The following NEMF variants were observed in gnomAD, a reference collection of about 807,000 sequenced individuals.
NEMF encodes the protein nuclear export mediator factor.
Under a neutral mutation model 162.2 loss-of-function variants are expected in NEMF, and 89 were observed. That is an observed-to-expected ratio of 0.55 (90% CI 0.46 to 0.65). The LOEUF is 0.65. Among genes scored for constraint, NEMF ranks in the 30% least tolerant of loss-of-function variants. NEMF has a pLI of 0.00. For synonymous variants in NEMF, 421 were observed against 404.5 expected, an observed-to-expected ratio of 1.04 and a Z score of -0.49; for missense variants, 1,133 against 1,261.9, an observed-to-expected ratio of 0.90 and a Z score of 1.55.
chr14:49,831,960 G>C, intron 10 of NEMF, 91 bp downstream of exon 10: 2 of 781,340 alleles, frequency 2.6e-6, no homozygotes, highest in Non-Finnish European at 4.1e-6. Flanking sequence ...TGTAAAGCAA[G>C]TATAGTTTCA....
At chr14:49,811,687 A>G (rs1164587241) in intron 18 of NEMF, among the ~76,000 whole-genome samples, 3 of 152,154 alleles carry the variant, frequency 2.0e-5, no homozygotes, top group Non-Finnish European at 4.4e-5. Context: ...GTTTTTCTTC[A>G]TAAGTTGAGA....
intron 6 of NEMF, among the ~76,000 whole-genome samples, chr14:49,836,317 G>C (rs1892901539): frequency 6.6e-6 from 1 of 151,978 alleles, no homozygotes; most frequent in Non-Finnish European, 1.5e-5. Context: ...AATCCTATGA[G>C]GCTTTTTTCA....
intron 3 of NEMF, among the ~76,000 whole-genome samples, chr14:49,850,747 T>C (rs1395898405): frequency 6.7e-6 from 1 of 149,444 alleles, no homozygotes; most frequent in Non-Finnish European, 1.5e-5. Flanking sequence ...TACAGAGGAA[T>C]ACGACTCACA....
rs1309114103 is a variant in NEMF, at chr14:49,829,465, C to A, written c.946-39G>T. 2.0e-6 allele frequency: 3 copies of A among 1,511,898 alleles called. No individual in the cohort carries two copies. In the East Asian group the frequency reaches 6.9e-5, roughly 35 times the overall value. The allele number at this position is 1,511,898 out of a possible 1,614,324, so 93.7% of individuals were successfully genotyped here. A position where few individuals can be genotyped will look rare whatever the true frequency, so the allele number is the denominator to read the frequency against. ...AACAGATTTTTTAAAAATTAGATTT[C>A]TCCTACCTCATGACATCCCTCTCTT... On this transcript the variant is annotated intron_variant, in intron 11 of 32. Coordinates refer to ENST00000298310, the MANE Select transcript of NEMF (RefSeq NM_004713.6).
At chr14:49,837,099 C>T (rs1028145422) in intron 6 of NEMF, among the ~76,000 whole-genome samples, 4 of 151,976 alleles carry the variant, frequency 2.6e-5, no homozygotes, top group African/African-American at 9.7e-5. Flanking sequence ...ATGGTGAAAC[C>T]CCATCTCTAC....
intron 10 of NEMF, 104 bp from the exon 11 acceptor site, chr14:49,831,465 T>A: frequency 1.4e-6 from 1 of 727,768 alleles, no homozygotes; most frequent in Non-Finnish European, 2.3e-6. Flanking sequence ...TGAGACAGAG[T>A]CTCACTCTGT....
intron 7 of NEMF, 51 bp downstream of exon 7, chr14:49,834,312 T>C: frequency 7.6e-7 from 1 of 1,321,482 alleles, no homozygotes; most frequent in Non-Finnish European, 1.1e-6. Flanking sequence ...GAAAAAATTT[T>C]CATAGTTTAA....
chr14:49,840,683 C>T, intron 5 of NEMF, 35 bp downstream of exon 5: 3 of 1,586,436 alleles, frequency 1.9e-6, no homozygotes, highest in Non-Finnish European at 2.6e-6. Context: ...CATTTTAATA[C>T]AATACGAAAT....
At chr14:49,846,627 G>A (rs1800599197) in intron 3 of NEMF, among the ~76,000 whole-genome samples, 1 of 152,020 alleles carries the variant, frequency 6.6e-6, no homozygotes, top group African/African-American at 2.4e-5. Context: ...ACTATCCCCA[G>A]CTAATTTTTT....
chr14:49,847,320 C>A (rs1216239476), intron 3 of NEMF, among the ~76,000 whole-genome samples: 1 of 152,032 alleles, frequency 6.6e-6, no homozygotes, highest in African/African-American at 2.4e-5. Context: ...TCCTGCCTCA[C>A]CCTCCCAAGA....
chr14:49,789,949 A>G (rs925825678), intron 26 of NEMF, among the ~76,000 whole-genome samples: 3 of 152,196 alleles, frequency 2.0e-5, no homozygotes, highest in African/African-American at 4.8e-5. Context: ...TAAAGCAGCA[A>G]AGCTAGGCTA....
chr14:49,809,753 C>T (rs1891383033), intron 18 of NEMF, among the ~76,000 whole-genome samples: 1 of 151,862 alleles, frequency 6.6e-6, no homozygotes, highest in South Asian at 2.1e-4. Flanking sequence ...TCCAGCTACT[C>T]TGGAGGCTGA....
At chr14:49,796,204 C>T in intron 25 of NEMF, 1 of 536,126 alleles carries the variant, frequency 1.9e-6, no homozygotes, top group South Asian at 1.5e-5. Context: ...CTCATCCTTA[C>T]TCACTAGGCA....
intron 19 of NEMF, among the ~76,000 whole-genome samples, chr14:49,803,528 CTT>C (rs1221404012): frequency 1.7e-4 from 24 of 140,606 alleles, no homozygotes; most frequent in Admixed American, 2.9e-4. Flanking sequence ...AATTTTCTTT[CTT>C]TTTTTTTTTT....
In NEMF at chr14:49,814,015, T is replaced by C; in HGVS notation, c.1717A>G (p.Thr573Ala). The C allele has an allele frequency of 1.9e-6, 3 of 1,548,060 alleles. No homozygotes were observed. Among genetic ancestry groups the C allele is most frequent in the African/African-American group, 1.4e-5 (1 of 73,926 alleles). ...GTTGGATTCTTAATTACACAGCTAG[T>C]AGCTCCATGAAGATCAGCATGTACA... ...IYVHADLHGA[T>A]SCVIKNPTGE... Residue 573 changes from threonine (T) to alanine (A), a missense_variant, in exon 18 of 33, where the codon ACT becomes GCT. Physicochemically the swap from Thr to Ala is moderately conservative, Grantham distance 58. Around this residue, in one of 3 missense-constraint regions of NEMF, gnomAD observed 19 missense variants for 51.8 expected, o/e 0.37. Transcript: ENST00000298310.
intron 25 of NEMF, among the ~76,000 whole-genome samples, chr14:49,799,207 C>CCAAAA (rs1555345912): frequency 1.7e-5 from 1 of 59,062 alleles, no homozygotes; most frequent in Non-Finnish European, 2.8e-5. Context: ...GACCCTGTTT[C>CCAAAA]AAAAAAAAAA....
At position 49,782,647 on chromosome 14, in the gene NEMF, A is replaced by G; in HGVS notation, c.*1989T>C. On this transcript the variant is annotated 3_prime_UTR_variant, in exon 33 of 33. Coordinates refer to ENST00000298310, the MANE Select transcript of NEMF (RefSeq NM_004713.6). ...ATTATTTAAAATTGTGTTTCCTAAG[A>G]CTTAGCACTCTCGAAAAACTAGGTT... 6.8e-7 allele frequency: 1 copy of G among 1,468,106 alleles called. No individual in the cohort carries two copies. The highest frequency in any genetic ancestry group is 9.3e-7 in the Non-Finnish European group (1 of 1,073,764). 90.9% of individuals were successfully genotyped at this position (1,468,106 alleles called of 1,614,324 possible).
At chr14:49,845,218 G>A (rs1356545469) in intron 4 of NEMF, among the ~76,000 whole-genome samples, 9 of 152,036 alleles carry the variant, frequency 5.9e-5, no homozygotes, top group Admixed American at 2.6e-4. Flanking sequence ...TCAGCCTCCC[G>A]AGTAGCTGGG....
In NEMF at chr14:49,834,400, C is replaced by A. The variant is rs141985008; in HGVS notation, c.624G>T (p.Ser208=). The part of the protein sequence containing the change: ...IEHCLLENGF[S]GNVKVDEKLE... ...GTTTTTCATCCACTTTGACATTACC[C>A]GAGAATCCATTTTCTAAAAGACAGT... Residue 208 remains serine (S), a synonymous_variant, in exon 7 of 33, where the codon TCG becomes TCT. Transcript: ENST00000298310. 1 of 1,608,608 alleles carries A rather than the reference C, an allele frequency of 6.2e-7. No homozygotes were observed. Among genetic ancestry groups the A allele is most frequent in the East Asian group, 2.2e-5 (1 of 44,860 alleles).
Sources: gnomAD v4.1 joint callset for allele counts (sites outside exome capture counted in the v4.1 genomes callset) on GRCh38, gnomAD v4.1.1 for gene constraint, gnomAD v4.1.1 regional missense constraint, MANE v1.5 for transcripts, NCBI Gene and HGNC (gene_info 2026-07-23, HGNC 2026-07-21) for gene names.